ERC2: variants seen among roughly 807,000 people sequenced by gnomAD.
The protein encoded by ERC2 is ELKS/RAB6-interacting/CAST family member 2, also known as ERC protein 2.
In ERC2, 42 loss-of-function variants were observed where a neutral mutation model predicts 114.8. That is an observed-to-expected ratio of 0.37 (90% confidence interval 0.29 to 0.47). ERC2 has a LOEUF of 0.47. Ranked by LOEUF, ERC2 falls within the 20% of genes least tolerant of loss-of-function variation. The pLI is 0.99. For synonymous variants in ERC2, 454 were observed against 425.5 expected, an observed-to-expected ratio of 1.07 and a Z score of -0.82; for missense variants, 939 against 1,150.7, an observed-to-expected ratio of 0.82 and a Z score of 2.66.
chr3:55,678,981 G>A (rs2061935605), intron 17 of ERC2, among the ~76,000 whole-genome samples: 1 of 152,126 alleles, frequency 6.6e-6, no homozygotes, highest in Admixed American at 6.5e-5. Context: ...CACAGATCAT[G>A]GAACAGCCTC....
At chr3:55,864,160 TATATATACAC>T (rs1559783147) in intron 14 of ERC2, among the ~76,000 whole-genome samples, 156 of 117,264 alleles carry the variant, frequency 1.3e-3, no homozygotes, top group African/African-American at 5.0e-3. Flanking sequence ...TATATACACA[TATATATACAC>T]ATATATATAT....
intron 7 of ERC2, among the ~76,000 whole-genome samples, chr3:56,064,475 C>T (rs752471264): frequency 2.0e-5 from 3 of 152,148 alleles, no homozygotes; most frequent in African/African-American, 4.8e-5. Context: ...ATCTCCACTC[C>T]ATGTCAATGA....
chr3:56,183,276 C>T (rs1428070258), intron 3 of ERC2, among the ~76,000 whole-genome samples: 1 of 152,200 alleles, frequency 6.6e-6, no homozygotes. Flanking sequence ...TAAAACCTCA[C>T]TATTTGGAAA....
At chr3:55,824,777 T>A (rs78698114) in intron 14 of ERC2, among the ~76,000 whole-genome samples, 1 of 152,212 alleles carries the variant, frequency 6.6e-6, no homozygotes, top group Non-Finnish European at 1.5e-5. Context: ...CAGATGCACA[T>A]TAAACTTTAA....
At chr3:56,203,682 T>C (rs1434082263) in intron 3 of ERC2, among the ~76,000 whole-genome samples, 1 of 152,114 alleles carries the variant, frequency 6.6e-6, no homozygotes, top group East Asian at 1.9e-4. Context: ...AGAAGCATAT[T>C]AAAAACAAAA....
At chr3:55,712,824 T>G (rs2063841379) in intron 15 of ERC2, among the ~76,000 whole-genome samples, 1 of 152,162 alleles carries the variant, frequency 6.6e-6, no homozygotes, top group African/African-American at 2.4e-5. Flanking sequence ...CTATTTGTTG[T>G]TCTCTCAACT....
intron 2 of ERC2, among the ~76,000 whole-genome samples, chr3:56,311,609 T>G (rs1175084141): frequency 6.6e-6 from 1 of 152,096 alleles, no homozygotes; most frequent in Non-Finnish European, 1.5e-5. Context: ...AATATTTTTT[T>G]CTTTATGCTA....
chr3:55,956,455 G>A (rs76764334), intron 12 of ERC2, among the ~76,000 whole-genome samples: 2 of 143,888 alleles, frequency 1.4e-5, no homozygotes, highest in Non-Finnish European at 3.0e-5. Context: ...TTTTTTTTTT[G>A]AAGCTTGTAA....
chr3:56,260,253 G>C (rs78521563), intron 3 of ERC2, among the ~76,000 whole-genome samples: 1 of 152,098 alleles, frequency 6.6e-6, no homozygotes. Flanking sequence ...ACTCCTCCCC[G>C]TAAGTCCTGG....
chr3:56,050,942 C>T (rs1331610487), intron 7 of ERC2, among the ~76,000 whole-genome samples: 1 of 152,182 alleles, frequency 6.6e-6, no homozygotes, highest in Admixed American at 6.5e-5. Context: ...TGGAACAGCT[C>T]CTTGATTCTT....
At chr3:55,606,683 C>A (rs2058656981) in intron 17 of ERC2, 1 of 152,238 alleles carries the variant, frequency 6.6e-6, no homozygotes, top group African/African-American at 2.4e-5. Context: ...TACATGTGAG[C>A]CCCCAAATCC....
At chr3:56,419,301 A>G (rs1429537775) in intron 2 of ERC2, among the ~76,000 whole-genome samples, 1 of 152,254 alleles carries the variant, frequency 6.6e-6, no homozygotes, top group East Asian at 1.9e-4. Flanking sequence ...ATTACAAATA[A>G]GTGATATAGA....
At chr3:56,441,809 A>T (rs1008790413) in intron 1 of ERC2, among the ~76,000 whole-genome samples, 1 of 152,204 alleles carries the variant, frequency 6.6e-6, no homozygotes, top group Non-Finnish European at 1.5e-5. Flanking sequence ...GGCCTCCCAA[A>T]GTTCTGGGAT....
At chr3:55,988,596 A>G (rs1450057021) in intron 11 of ERC2, among the ~76,000 whole-genome samples, 2 of 152,216 alleles carry the variant, frequency 1.3e-5, no homozygotes, top group Non-Finnish European at 2.9e-5. Context: ...TGTCTGAGTT[A>G]TTCCTAACCC....
intron 3 of ERC2, among the ~76,000 whole-genome samples, chr3:56,212,808 C>T (rs575041436): frequency 3.5e-4 from 53 of 151,978 alleles, no homozygotes; most frequent in African/African-American, 1.2e-3. Context: ...CACACACACA[C>T]ACACATGCAC....
chr3:56,014,719 T>A (rs1282543227), intron 8 of ERC2, among the ~76,000 whole-genome samples: 1 of 152,150 alleles, frequency 6.6e-6, no homozygotes, highest in Non-Finnish European at 1.5e-5. Flanking sequence ...TGCCAAGAAT[T>A]CATGACATGA....
At chr3:56,383,766 C>T (rs1010013341) in intron 2 of ERC2, among the ~76,000 whole-genome samples, 54 of 152,158 alleles carry the variant, frequency 3.5e-4, no homozygotes, top group African/African-American at 9.9e-4. Context: ...CATTATGACA[C>T]AATCATCACC....
chr3:55,742,747 C>A (rs2066046051), intron 14 of ERC2, among the ~76,000 whole-genome samples: 1 of 152,170 alleles, frequency 6.6e-6, no homozygotes, highest in Non-Finnish European at 1.5e-5. Context: ...TCAAAACAGC[C>A]TCTCTCTCAC....
chr3:55,771,905 C>T (rs565012652), intron 14 of ERC2, among the ~76,000 whole-genome samples: 1 of 152,266 alleles, frequency 6.6e-6, no homozygotes, highest in South Asian at 2.1e-4. Flanking sequence ...TCACCTTTTG[C>T]TCCTATCCAG....
Sources: allele counts gnomAD v4.1 joint callset (sites outside exome capture counted in the v4.1 genomes callset), GRCh38; gene constraint gnomAD v4.1.1; transcripts MANE v1.5; gene names NCBI Gene and HGNC (gene_info 2026-07-23, HGNC 2026-07-21).